The following ASIC1 variants were observed in gnomAD, a reference collection of about 807,000 sequenced individuals.
ASIC1 encodes the protein acid-sensing ion channel 1.
ASIC1 carries 21 observed loss-of-function variants against 63.4 expected under a neutral mutation model. That is an observed-to-expected ratio of 0.33 (90% CI 0.23 to 0.48). The LOEUF is 0.48. ASIC1 is among the 20% of genes least tolerant of loss of function. ASIC1 has a pLI of 0.99. For missense variants in ASIC1, 478 were observed against 695.5 expected, an observed-to-expected ratio of 0.69 and a Z score of 3.52; for synonymous variants, 258 against 278.2, an observed-to-expected ratio of 0.93 and a Z score of 0.72.
intron 3 of ASIC1, among the ~76,000 whole-genome samples, chr12:50,065,927 C>T (rs1950541069): frequency 6.6e-6 from 1 of 152,228 alleles, no homozygotes; most frequent in Non-Finnish European, 1.5e-5. Flanking sequence ...CAGACTTCCT[C>T]ACAACACCCT....
At chr12:50,076,550 C>T (rs1367062237) in intron 3 of ASIC1, among the ~76,000 whole-genome samples, 3 of 151,678 alleles carry the variant, frequency 2.0e-5, no homozygotes, top group Non-Finnish European at 2.9e-5. Context: ...GAAGATATGT[C>T]TTGGAGGGCC....
At position 50,081,245 on chromosome 12, in the gene ASIC1, C is replaced by T; in HGVS notation, c.1378-15C>T. On this transcript the variant is annotated splice_polypyrimidine_tract_variant and intron_variant, in intron 10 of 11. Transcript: ENST00000447966. ...GCGGGGTCCAGCCCGCCCACCTGCC[C>T]CGTCCCCGTCCTAGGTCATTAAGCA... 6.2e-7 allele frequency: 1 copy of T among 1,604,814 alleles called. No individual in the cohort carries two copies. Among genetic ancestry groups the T allele is most frequent in the Non-Finnish European group, 8.5e-7 (1 of 1,175,872 alleles).
In ASIC1 at chr12:50,074,377, C is replaced by T; in HGVS notation, c.559-2836C>T. 1 of 1,385,182 alleles carries T rather than the reference C, an allele frequency of 7.2e-7. No individual in the cohort carries two copies. 85.8% of individuals were successfully genotyped at this position (1,385,182 alleles called of 1,614,324 possible). A position where few individuals can be genotyped will look rare whatever the true frequency, so the allele number is the denominator to read the frequency against. Reference sequence around the variant, plus strand: ...CTGTGCTGCCCCCTACCTCATCTGGCTGACACAGGCCAGAGCTCACCCAGG... The same window carrying T: ...CTGTGCTGCCCCCTACCTCATCTGGTTGACACAGGCCAGAGCTCACCCAGG... On this transcript the variant is annotated intron_variant, in intron 3 of 11. Transcript: ENST00000447966. This position sits in a 1 kb window ranked among gnomAD's most constrained non-coding sequence, Gnocchi z 4.2.
At chr12:50,079,229 G>A (rs1422745107) in intron 7 of ASIC1, among the ~76,000 whole-genome samples, 2 of 152,002 alleles carry the variant, frequency 1.3e-5, no homozygotes. Context: ...CTGGTTTCAT[G>A]GTGAAACCCT....
chr12:50,077,379 C>T lies in ASIC1; in HGVS notation c.709+16C>T. The stretch of plus-strand genomic sequence containing the variant: ...GGGGAGACTGGTACGTCACCCACTT[C>T]AGGGGCCCCTCTGCATGGCTCTAGG... On this transcript the variant is annotated intron_variant, in intron 4 of 11. Coordinates refer to ENST00000447966, the MANE Select transcript of ASIC1 (RefSeq NM_001095.4). 6.2e-7 allele frequency: 1 copy of T among 1,614,006 alleles called. No individual in the cohort carries two copies. Among genetic ancestry groups the T allele is most frequent in the Non-Finnish European group, 8.5e-7 (1 of 1,179,944 alleles).
At chr12:50,073,638 AG>A (rs1565729570) in intron 3 of ASIC1, 1 of 1,536,114 alleles carries the variant, frequency 6.5e-7, no homozygotes, top group Admixed American at 2.0e-5. Flanking sequence ...AGGAAGCCCC[AG>A]GGCCCTTGGG....
In ASIC1 at chr12:50,078,322, G is replaced by C. The variant is rs1950679309; in HGVS notation, c.838-99G>C. ...CTTTGGAGGCTGCAGAGGGAGAGGG[G>C]AGCAGAACTCCAGAGATCTGCATCT... On this transcript the variant is annotated intron_variant, in intron 5 of 11. Coordinates refer to ENST00000447966, the MANE Select transcript of ASIC1 (RefSeq NM_001095.4). This position sits in a 1 kb window ranked among gnomAD's most constrained non-coding sequence, Gnocchi z 6.0. 1.3e-6 allele frequency: 2 copies of C among 1,539,320 alleles called. No homozygotes were observed. Among genetic ancestry groups the C allele is most frequent in the Admixed American group, 1.8e-5 (1 of 55,650 alleles).
At position 50,074,104 on chromosome 12, in the gene ASIC1, G is replaced by A. The variant is rs994510362; in HGVS notation, c.559-3109G>A. The A allele has an allele frequency of 2.0e-6, 3 of 1,535,422 alleles. No individual in the cohort carries two copies. Among genetic ancestry groups the A allele is most frequent in the East Asian group, 2.4e-5 (1 of 40,910 alleles). On this transcript the variant is annotated intron_variant, in intron 3 of 11. Transcript: ENST00000447966. This position sits in a 1 kb window ranked among gnomAD's most constrained non-coding sequence, Gnocchi z 4.2. ...AAGTGATGACCCCGGGGTGCCCCTCGCTCCACCGGGCCCTGAGGCCTTCTC... is the reference window on the plus strand; with the variant it reads ...AAGTGATGACCCCGGGGTGCCCCTCACTCCACCGGGCCCTGAGGCCTTCTC...
chr12:50,080,214 A>G, intron 8 of ASIC1, 159 bp downstream of exon 8: 2 of 1,017,782 alleles, frequency 2.0e-6, no homozygotes. Flanking sequence ...GTATGCAGGG[A>G]AGATCAAGCC....
At chr12:50,070,473 G>T (rs1950588478) in intron 3 of ASIC1, among the ~76,000 whole-genome samples, 1 of 152,002 alleles carries the variant, frequency 6.6e-6, no homozygotes, top group Non-Finnish European at 1.5e-5. Flanking sequence ...GTGGTAATGT[G>T]CAAGTGTGCA....
At chr12:50,077,497 A>G (rs1950668719) in intron 4 of ASIC1, 134 bp downstream of exon 4, 8 of 1,278,284 alleles carry the variant, frequency 6.3e-6, no homozygotes, top group South Asian at 3.0e-5. Flanking sequence ...CACCATCTCT[A>G]TCACTGACTC....
At chr12:50,068,196 A>G (rs835594) in intron 3 of ASIC1, among the ~76,000 whole-genome samples, 142,652 of 152,208 alleles carry the variant, frequency 0.94, 67,107 homozygotes, top group Non-Finnish European at 0.98. Context: ...TTGTGTGTGG[A>G]AGTGGTTAGT....
chr12:50,081,397 G>T (rs775190150), intron 11 of ASIC1, 33 bp downstream of exon 11: 1 of 1,554,256 alleles, frequency 6.4e-7, no homozygotes, highest in African/African-American at 1.4e-5. Flanking sequence ...CCTCCAGCCC[G>T]CCTGTGCCTC....
At chr12:50,067,681 A>C (rs1254032332) in intron 3 of ASIC1, among the ~76,000 whole-genome samples, 1 of 152,070 alleles carries the variant, frequency 6.6e-6, no homozygotes, top group East Asian at 1.9e-4. Context: ...GGCCTCCCGG[A>C]GTGCTGGGAT....
At chr12:50,077,917 C>T (rs1950673727) in intron 4 of ASIC1, 83 bp from the exon 5 acceptor site, 7 of 1,531,896 alleles carry the variant, frequency 4.6e-6, no homozygotes, top group Non-Finnish European at 6.1e-6. Context: ...TGCTTATTTC[C>T]AGGAGAGGTA....
At position 50,059,803 on chromosome 12, in the gene ASIC1, A is replaced by T; in HGVS notation, c.407A>T (p.Glu136Val). The change falls in exon 3 of 12, where the codon GAG becomes GTG. Residue 136 changes from glutamate to valine, a missense_variant. Around this residue, in one of 3 missense-constraint regions of ASIC1, gnomAD observed 290 missense variants for 414.9 expected, o/e 0.70. Coordinates refer to ENST00000447966, the MANE Select transcript of ASIC1 (RefSeq NM_001095.4). This position sits in a 1 kb window ranked among gnomAD's most constrained non-coding sequence, Gnocchi z 4.6. ...DTQMADEKQL[E>V]ILQDKANFRS... ...CAGATGGCAGATGAAAAGCAGCTGG[A>T]GATACTGCAGGACAAAGCCAACTTC... The T allele has an allele frequency of 6.2e-7, 1 of 1,614,100 alleles. No homozygotes were observed. Among genetic ancestry groups the T allele is most frequent in the African/African-American group, 1.3e-5 (1 of 75,032 alleles).
chr12:50,077,851 TA>T (rs1297911090), intron 4 of ASIC1, 148 bp from the exon 5 acceptor site: 3 of 1,157,886 alleles, frequency 2.6e-6, no homozygotes, highest in East Asian at 2.4e-5. Flanking sequence ...AGAAGGAGGC[TA>T]GGGGGTGGGC....
At chr12:50,061,603 A>G (rs945267100) in intron 3 of ASIC1, among the ~76,000 whole-genome samples, 2 of 152,320 alleles carry the variant, frequency 1.3e-5, no homozygotes, top group Admixed American at 6.5e-5. Context: ...GGGACCCGTG[A>G]GAAAGATGGA....
At chr12:50,075,758 A>G (rs548427459) in intron 3 of ASIC1, among the ~76,000 whole-genome samples, 7 of 152,306 alleles carry the variant, frequency 4.6e-5, no homozygotes, top group South Asian at 4.1e-4. Context: ...GACTCACCTT[A>G]TGACCTGTTT....
Sources: allele counts gnomAD v4.1 joint callset (sites outside exome capture counted in the v4.1 genomes callset), GRCh38; gene constraint gnomAD v4.1.1; regional missense constraint gnomAD v4.1.1; non-coding constraint Gnocchi (gnomAD v3.1); transcripts MANE v1.5; gene names NCBI Gene and HGNC (gene_info 2026-07-23, HGNC 2026-07-21).